The following IFT172 variants were observed in gnomAD, a reference collection of about 807,000 sequenced individuals.
IFT172 encodes intraflagellar transport 172, also known as intraflagellar transport protein 172 homolog.
IFT172 carries 164 observed loss-of-function variants against 248.9 expected under a neutral mutation model. The ratio of observed to expected loss-of-function variants is 0.66; its 90% CI spans 0.58 to 0.75. IFT172 has a LOEUF of 0.75. IFT172 is among the 30% of genes least tolerant of loss of function. The pLI is 0.00. For missense variants in IFT172, 1,950 were observed against 2,192.4 expected (o/e 0.89, Z 2.21); for synonymous variants, 729 against 791.6 (o/e 0.92, Z 1.33).
intron 43 of IFT172, 45 bp from the exon 44 acceptor site, chr2:27,446,033 T>TTTC (rs1359048051): frequency 1.9e-6 from 3 of 1,606,800 alleles, no homozygotes; most frequent in East Asian, 4.5e-5. Context: ...AAGCTGGGTT[T>TTTC]GAATGCTACT....
intron 1 of IFT172, among the ~76,000 whole-genome samples, chr2:27,487,998 T>G (rs1469603923): frequency 6.6e-6 from 1 of 151,834 alleles, no homozygotes; most frequent in Non-Finnish European, 1.5e-5. Flanking sequence ...CTTATTTATT[T>G]TTAAGACACA....
chr2:27,465,404 A>C lies in IFT172; in HGVS notation c.1937+7T>G. ...CGTGGCACCTCTGTTCTACATGTCT[A>C]CCTCACCTCTCCGCAATGTGTAGTT... On this transcript the variant is annotated splice_region_variant and intron_variant, in intron 18 of 47. Transcript: ENST00000260570. The C allele has an allele frequency of 6.2e-7, 1 of 1,611,622 alleles. No individual in the cohort carries two copies. The highest frequency in any genetic ancestry group is 8.5e-7 in the Non-Finnish European group (1 of 1,177,898).
intron 9 of IFT172, among the ~76,000 whole-genome samples, 193 bp from the exon 10 acceptor site, chr2:27,479,797 G>A (rs1397657333): frequency 6.6e-6 from 1 of 152,158 alleles, no homozygotes; most frequent in Non-Finnish European, 1.5e-5. Flanking sequence ...CATATTAATG[G>A]GATAAAAGGG....
At chr2:27,480,961 G>C in intron 8 of IFT172, 85 bp downstream of exon 8, 1 of 1,015,504 alleles carries the variant, frequency 9.8e-7, no homozygotes, top group Non-Finnish European at 1.5e-6. Flanking sequence ...CTCCAGTCTC[G>C]CACTCTGGCT....
chr2:27,456,882 T>A (rs1192006460), intron 29 of IFT172, among the ~76,000 whole-genome samples: 1 of 151,636 alleles, frequency 6.6e-6, no homozygotes, highest in Non-Finnish European at 1.5e-5. Flanking sequence ...CCATCTCTAC[T>A]AAAAATACAA....
intron 16 of IFT172, among the ~76,000 whole-genome samples, chr2:27,470,117 C>T (rs1191892865): frequency 6.6e-6 from 1 of 151,684 alleles, no homozygotes; most frequent in Non-Finnish European, 1.5e-5. Context: ...TGGTGGCATG[C>T]ACCTGTAGTC....
chr2:27,453,778 C>A (rs766994024), intron 33 of IFT172, 39 bp from the exon 34 acceptor site: 1 of 1,574,444 alleles, frequency 6.4e-7, no homozygotes, highest in Admixed American at 1.8e-5. Context: ...CAGAGGCAGG[C>A]CTGACAGCTT....
chr2:27,459,822 C>T lies in IFT172; in HGVS notation c.2529G>A (p.Glu843=). Reference sequence around the variant, plus strand: ...CCACTGGGAAGGCCAATCGAGCCAGCTCTACCGCTGCCAGGGAGAGAAAAG... The same window carrying T: ...CCACTGGGAAGGCCAATCGAGCCAGTTCTACCGCTGCCAGGGAGAGAAAAG... The part of the protein sequence containing the change: ...RKGNAFMKAV[E]LARLAFPVEV... The change falls in exon 24 of 48, where the codon GAG becomes GAA. Residue 843 remains glutamate, a synonymous_variant. Transcript: ENST00000260570. The T allele has an allele frequency of 6.2e-7, 1 of 1,611,462 alleles. No individual in the cohort carries two copies. Among genetic ancestry groups the T allele is most frequent in the Non-Finnish European group, 8.5e-7 (1 of 1,180,008 alleles).
chr2:27,453,810 T>C, intron 33 of IFT172, 71 bp from the exon 34 acceptor site: 2 of 1,464,484 alleles, frequency 1.4e-6, no homozygotes, highest in Middle Eastern at 1.7e-4. Flanking sequence ...ACAGGTACTC[T>C]GGCCCACAGA....
intron 30 of IFT172, 25 bp downstream of exon 30, chr2:27,456,486 G>A (rs1437967953): frequency 8.7e-6 from 14 of 1,603,900 alleles, no homozygotes; most frequent in Admixed American, 3.4e-5. Flanking sequence ...GATGGGGCCC[G>A]TGGAGAGAAA....
intron 43 of IFT172, 40 bp from the exon 44 acceptor site, chr2:27,446,028 G>A (rs1572710606): frequency 6.2e-7 from 1 of 1,609,922 alleles, no homozygotes; most frequent in Admixed American, 1.7e-5. Context: ...TGAACAAGCT[G>A]GGTTTGAATG....
Position 27,450,105 on chromosome 2 carries a change from T to G in IFT172, c.3952-9A>C, listed in dbSNP as rs1285829435. 2 of 1,602,616 alleles carry G rather than the reference T, an allele frequency of 1.2e-6. No individual in the cohort carries two copies. Among genetic ancestry groups the G allele is most frequent in the African/African-American group, 1.3e-5 (1 of 74,686 alleles). ...ATGGAGAGTTCAGCTGCCTGAGTGG[T>G]TGAACAGAAGATGGAAATGGGTAGG... On this transcript the variant is annotated splice_polypyrimidine_tract_variant and intron_variant, in intron 35 of 47. Transcript: ENST00000260570.
chr2:27,462,068 G>C (rs1666722171), intron 20 of IFT172, among the ~76,000 whole-genome samples: 1 of 152,154 alleles, frequency 6.6e-6, no homozygotes, highest in African/African-American at 2.4e-5. Context: ...GTCTCACTCT[G>C]TTGCCGAGGC....
intron 1 of IFT172, among the ~76,000 whole-genome samples, chr2:27,488,481 C>T (rs1392651223): frequency 6.6e-6 from 1 of 152,120 alleles, no homozygotes; most frequent in African/African-American, 2.4e-5. Flanking sequence ...GTCTTGGAAT[C>T]TTGGGCTCAA....
At position 27,480,123 on chromosome 2, in the gene IFT172, C is replaced by T. The variant is rs375847990; in HGVS notation, c.812G>A (p.Arg271Gln). 40 of 1,613,962 alleles carry T rather than the reference C, an allele frequency of 2.5e-5. 1 individual carries two copies. Among genetic ancestry groups the T allele is most frequent in the Middle Eastern group, 3.3e-4 (2 of 6,058 alleles). The change falls in exon 9 of 48, where the codon CGA (arginine) becomes CAA (glutamine). Residue 271 changes from arginine (R) to glutamine (Q), a missense_variant. Physicochemically the swap from Arg to Gln is conservative, Grantham distance 43 (BLOSUM62 1). Transcript: ENST00000260570. ...CTTTGCCTCTTCCCAGATGCTTCTT[C>T]GAGGGATCCAGTTGAACACCCGAAG... Reference protein sequence around the residue: ...DRLRVFNWIPRRSIWEEAKPK... With the variant: ...DRLRVFNWIPQRSIWEEAKPK...
chr2:27,467,491 A>T (rs1405303879), intron 16 of IFT172, among the ~76,000 whole-genome samples: 2 of 142,926 alleles, frequency 1.4e-5, no homozygotes, highest in African/African-American at 5.1e-5. Flanking sequence ...ATACGCCTGT[A>T]GTCCCAGCTA....
intron 36 of IFT172, 24 bp from the exon 37 acceptor site, chr2:27,449,824 G>T: frequency 6.4e-7 from 1 of 1,564,192 alleles, no homozygotes; most frequent in Non-Finnish European, 8.8e-7. Flanking sequence ...AATCAGCGTG[G>T]AGACTTTCTC....
chr2:27,463,303 A>G lies in IFT172; in HGVS notation c.1938-122T>C. 5 of 798,880 alleles carry G rather than the reference A, an allele frequency of 6.3e-6. No individual in the cohort carries two copies. The South Asian group carries it at 7.6e-5, about 12-fold the overall frequency. 49.5% of individuals were successfully genotyped at this position (798,880 alleles called of 1,614,324 possible). A position where few individuals can be genotyped will look rare whatever the true frequency, so the allele number is the denominator to read the frequency against. On this transcript the variant is annotated intron_variant, in intron 18 of 47. Coordinates refer to ENST00000260570, the MANE Select transcript of IFT172 (RefSeq NM_015662.3). ...GTGCCAGCCAATGTCTTGTCACTGGAGACATATAGAGACCAAGGAAGATGA... is the reference window on the plus strand; with the variant it reads ...GTGCCAGCCAATGTCTTGTCACTGGGGACATATAGAGACCAAGGAAGATGA...
At position 27,470,957 on chromosome 2, in the gene IFT172, G is replaced by C. The variant is rs766310940; in HGVS notation, c.1663C>G (p.Pro555Ala). The C allele has an allele frequency of 8.7e-6, 14 of 1,608,834 alleles. No homozygotes were observed. The highest frequency in any genetic ancestry group is 1.2e-5 in the Non-Finnish European group (14 of 1,178,610). ...SLCVWYNIEAPERVTMFTIRG... is the reference protein window; with the variant it reads ...SLCVWYNIEAAERVTMFTIRG... ...ATAGTGAACATGGTGACTCTCTCAG[G>C]TGCCTCAATGTTGTACCATACACAC... The change falls in exon 16 of 48, where the codon CCT (proline) becomes GCT (alanine). Residue 555 changes from proline to alanine, a missense_variant. By Grantham distance (27) the Pro-to-Ala change is conservative. Around this residue, in one of 3 missense-constraint regions of IFT172, gnomAD observed 1,166 missense variants for 1,254.1 expected, o/e 0.93. Transcript: ENST00000260570.
Sources: allele counts gnomAD v4.1 joint callset (sites outside exome capture counted in the v4.1 genomes callset), GRCh38; gene constraint gnomAD v4.1.1; regional missense constraint gnomAD v4.1.1; transcripts MANE v1.5; gene names NCBI Gene and HGNC (gene_info 2026-07-23, HGNC 2026-07-21).